Variants in PMFBP1 observed in about 807,000 individuals in gnomAD.
PMFBP1 encodes the protein polyamine modulated factor 1 binding protein 1, also known as polyamine-modulated factor 1-binding protein 1.
Under a neutral mutation model 137.8 loss-of-function variants are expected in PMFBP1, and 131 were observed. The observed-to-expected ratio is 0.95, with a 90% confidence interval of 0.82 to 1.10. The LOEUF (loss-of-function observed/expected upper bound fraction) is 1.10. Ranked by LOEUF, PMFBP1 falls within the 50% of genes least tolerant of loss-of-function variation. The probability of loss-of-function intolerance (pLI) is 0.00; values close to 1 mark genes in which losing one functional copy is unlikely to be tolerated. For missense variants in PMFBP1, 1,199 were observed against 1,175.4 expected, an observed-to-expected ratio of 1.02 and a Z score of -0.29; for synonymous variants, 490 against 450.4, an observed-to-expected ratio of 1.09 and a Z score of -1.11.
chr16:72,140,377 T>A, intron 6 of PMFBP1, 35 bp downstream of exon 6: 2 of 1,568,200 alleles, frequency 1.3e-6, no homozygotes, highest in Admixed American at 1.7e-5. Flanking sequence ...TGATTGAGGG[T>A]CTCCCAGAGA....
intron 2 of PMFBP1, among the ~76,000 whole-genome samples, chr16:72,165,528 C>G (rs1179265900): frequency 6.6e-6 from 1 of 151,986 alleles, no homozygotes; most frequent in African/African-American, 2.4e-5. Flanking sequence ...AAACCATTCT[C>G]CTGCCTCAGC....
At position 72,130,773 on chromosome 16, in the gene PMFBP1, A is replaced by G. The variant is rs778873774; in HGVS notation, c.1448-51T>C. ...TGAGAAGGGAGGGTGTATGAAGATC[A>G]CACTCTTATCAGCCTGGCTGAAGAG... On this transcript the variant is annotated intron_variant, in intron 10 of 20. Transcript: ENST00000237353. The G allele has an allele frequency of 4.6e-6, 7 of 1,520,572 alleles. No homozygotes were observed. In the South Asian group the frequency reaches 8.6e-5, roughly 19 times the overall value. The allele number at this position is 1,520,572 out of a possible 1,614,324, so 94.2% of individuals were successfully genotyped here.
the PMFBP1 span, among the ~76,000 whole-genome samples, chr16:72,195,124 T>A: frequency 6.6e-6 from 1 of 152,142 alleles, no homozygotes; most frequent in African/African-American, 2.4e-5. Context: ...GCGGACAGCC[T>A]CCAGCTGTCA....
the PMFBP1 span, among the ~76,000 whole-genome samples, chr16:72,211,260 C>T: frequency 6.6e-6 from 1 of 152,174 alleles, no homozygotes; most frequent in Non-Finnish European, 1.5e-5. Flanking sequence ...GTGACCAGAA[C>T]AGTTGGCCTT....
the PMFBP1 span, among the ~76,000 whole-genome samples, chr16:72,231,090 G>C: frequency 6.6e-6 from 1 of 152,130 alleles, no homozygotes; most frequent in Admixed American, 6.6e-5. Flanking sequence ...TACTCATGGA[G>C]AACCGACATT....
chr16:72,244,404 T>C, the PMFBP1 span, among the ~76,000 whole-genome samples: 4 of 152,204 alleles, frequency 2.6e-5, no homozygotes, highest in Non-Finnish European at 5.9e-5. Context: ...AGAATATAGA[T>C]GCAAATATTG....
rs149419447 is a variant in PMFBP1, at chr16:72,124,835, C to T, written c.2521G>A (p.Glu841Lys). ...NDLKMLAAKEEQLREFQEEMA... is the reference protein window; with the variant it reads ...NDLKMLAAKEKQLREFQEEMA... Reference sequence around the variant, plus strand: ...TCCTCCTGGAACTCCCTGAGCTGCTCCTCTTTGGCTGCCAGCATCTTGAGG... The same window carrying T: ...TCCTCCTGGAACTCCCTGAGCTGCTTCTCTTTGGCTGCCAGCATCTTGAGG... The change falls in exon 17 of 21, where the codon GAG (glutamate) becomes AAG (lysine). Residue 841 changes from glutamate (E) to lysine (K), a missense_variant. Transcript: ENST00000237353. 4 of 1,614,092 alleles carry T rather than the reference C, an allele frequency of 2.5e-6. No individual in the cohort carries two copies. The African/African-American group carries it at 5.3e-5, about 22-fold the overall frequency.
At chr16:72,220,280 TGCC>T in the PMFBP1 span, among the ~76,000 whole-genome samples, 1 of 152,250 alleles carries the variant, frequency 6.6e-6, no homozygotes, top group Admixed American at 6.5e-5. Flanking sequence ...TTAGCTTAGA[TGCC>T]CAACTACAGT....
Position 72,140,531 on chromosome 16 carries a change from AAGG to A in PMFBP1, c.685_687del (p.Pro229del), listed in dbSNP as rs1383230643. ...GTCTCCTGATGCTCTTGAATCATGC[AAGG>A]AGAAGTGTATATCCGTACCTTTGAA... On this transcript the variant is annotated inframe_deletion, in exon 6 of 21. Coordinates refer to ENST00000237353, the MANE Select transcript of PMFBP1 (RefSeq NM_031293.3). 27 of 1,613,528 alleles carry A rather than the reference AAGG, an allele frequency of 1.7e-5. No homozygotes were observed. The highest frequency in any genetic ancestry group is 2.2e-5 in the South Asian group (2 of 91,074).
the PMFBP1 span, among the ~76,000 whole-genome samples, chr16:72,225,714 TAATAATAATAATAATA>T: frequency 1.0e-4 from 15 of 143,290 alleles, 1 homozygote; most frequent in East Asian, 2.4e-3. Context: ...CTGTTTATAA[TAATAATAATAATAATA>T]ATAATAATAA....
chr16:72,143,607 G>C (rs2042757417), intron 5 of PMFBP1, among the ~76,000 whole-genome samples: 1 of 152,084 alleles, frequency 6.6e-6, no homozygotes, highest in African/African-American at 2.4e-5. Context: ...GCTGTCTGTG[G>C]TGGCACGTGC....
intron 4 of PMFBP1, among the ~76,000 whole-genome samples, chr16:72,152,013 G>A (rs1303047688): frequency 6.6e-6 from 1 of 152,200 alleles, no homozygotes; most frequent in African/African-American, 2.4e-5. Context: ...ATCTCCCAGA[G>A]TTCCCCAGAG....
the PMFBP1 span, among the ~76,000 whole-genome samples, chr16:72,201,031 A>C: frequency 2.6e-5 from 4 of 152,106 alleles, no homozygotes; most frequent in Non-Finnish European, 5.9e-5. Flanking sequence ...TTCCCCATTT[A>C]TTGTTTCGCA....
intron 2 of PMFBP1, among the ~76,000 whole-genome samples, chr16:72,169,966 A>G (rs924678359): frequency 6.6e-6 from 1 of 152,104 alleles, no homozygotes; most frequent in Admixed American, 6.6e-5. Flanking sequence ...TACATATGAC[A>G]TATGTTGGAG....
intron 5 of PMFBP1, among the ~76,000 whole-genome samples, chr16:72,142,739 G>A (rs566301450): frequency 6.6e-6 from 1 of 152,194 alleles, no homozygotes; most frequent in Non-Finnish European, 1.5e-5. Context: ...TGAAGGGACT[G>A]CCGAGCATAG....
chr16:72,141,774 T>C (rs1056570473), intron 5 of PMFBP1, among the ~76,000 whole-genome samples: 2 of 152,112 alleles, frequency 1.3e-5, no homozygotes, highest in African/African-American at 4.8e-5. Context: ...ATTCTGGTAA[T>C]TGTGTACATT....
upstream of PMFBP1, among the ~76,000 whole-genome samples, chr16:72,180,943 A>T (rs902547886): frequency 7.9e-5 from 12 of 152,240 alleles, no homozygotes; most frequent in East Asian, 3.9e-4. Context: ...TGCCTTTTTT[A>T]AAAAAATTAA....
chr16:72,160,366 G>A (rs867034743), intron 3 of PMFBP1, among the ~76,000 whole-genome samples: 1 of 152,100 alleles, frequency 6.6e-6, no homozygotes, highest in African/African-American at 2.4e-5. Flanking sequence ...TCAGTCTACA[G>A]GGACTTTCTT....
chr16:72,207,191 T>C, the PMFBP1 span, among the ~76,000 whole-genome samples: 1 of 151,692 alleles, frequency 6.6e-6, no homozygotes, highest in Admixed American at 6.6e-5. Flanking sequence ...TGAAGGGAGA[T>C]GGAAGATGGA....
Sources: gnomAD v4.1 joint callset for allele counts (sites outside exome capture counted in the v4.1 genomes callset) on GRCh38, gnomAD v4.1.1 for gene constraint, MANE v1.5 for transcripts, NCBI Gene and HGNC (gene_info 2026-07-23, HGNC 2026-07-21) for gene names.